AP2B1: variants seen among roughly 807,000 people sequenced by gnomAD.
The protein encoded by AP2B1 is adaptor related protein complex 2 subunit beta 1.
AP2B1 carries 23 observed loss-of-function variants against 102.0 expected under a neutral mutation model. The observed-to-expected ratio is 0.23, with a 90% CI of 0.16 to 0.32. The LOEUF is 0.32. Ranked by LOEUF, AP2B1 falls within the 10% of genes least tolerant of loss-of-function variation. AP2B1 has a pLI of 1.00. For synonymous variants in AP2B1, 381 were observed against 421.2 expected (o/e 0.90, Z 1.17); for missense variants, 541 against 1,157.4 (o/e 0.47, Z 7.73).
chr17:35,687,451 G>T (rs1020043790), intron 18 of AP2B1, among the ~76,000 whole-genome samples: 1 of 151,884 alleles, frequency 6.6e-6, no homozygotes, highest in African/African-American at 2.4e-5. Context: ...TCCTGTACAT[G>T]TCCCCACTCA....
chr17:35,698,646 G>C (rs1386261477), intron 18 of AP2B1, among the ~76,000 whole-genome samples: 1 of 152,136 alleles, frequency 6.6e-6, no homozygotes, highest in Non-Finnish European at 1.5e-5. Flanking sequence ...TGATGGCTAT[G>C]GGTGGGCTAC....
At chr17:35,600,021 T>C (rs2073424537) in intron 3 of AP2B1, among the ~76,000 whole-genome samples, 1 of 152,230 alleles carries the variant, frequency 6.6e-6, no homozygotes, top group Non-Finnish European at 1.5e-5. Flanking sequence ...AACTAACTTT[T>C]AAGAAACTAC....
At chr17:35,708,247 C>T (rs372625978) in intron 18 of AP2B1, among the ~76,000 whole-genome samples, 103 of 152,284 alleles carry the variant, frequency 6.8e-4, no homozygotes, top group Non-Finnish European at 1.3e-3. Flanking sequence ...TGTTTTCCTA[C>T]AGCGCTAAGA....
rs753433510 is a variant in AP2B1 at position 35,637,925 on chromosome 17, T to TC, written c.1271+1476dup. On this transcript the variant is annotated intron_variant, in intron 10 of 21. Coordinates refer to ENST00000610402, the MANE Select transcript of AP2B1 (RefSeq NM_001030006.2). Reference sequence around the variant, plus strand: ...GTCTCGAACTTCTGACCTCAAGTGATCCCCCCCACCTCGCCCTCCCAAAGT... The same window carrying TC: ...GTCTCGAACTTCTGACCTCAAGTGATCCCCCCCCACCTCGCCCTCCCAAAGT... Among the ~76,000 whole-genome samples the TC allele has an allele frequency of 1.8e-3, 272 of 151,572 alleles. 2 individuals carry two copies. Among genetic ancestry groups the TC allele is most frequent in the Non-Finnish European group, 2.9e-3 (197 of 67,822 alleles).
Position 35,649,455 on chromosome 17 carries a change from A to G in AP2B1, c.1537-1075A>G, listed in dbSNP as rs192361835. ...GGCTAATTTTTTGTATTTGTAGTAG[A>G]TACGGGGTTTCACTGTGTTAGCCAG... On this transcript the variant is annotated intron_variant, in intron 12 of 21. Coordinates refer to ENST00000610402, the MANE Select transcript of AP2B1 (RefSeq NM_001030006.2). Among the ~76,000 whole-genome samples, 8 of 152,182 alleles carry G rather than the reference A, an allele frequency of 5.3e-5. No individual in the cohort carries two copies. The East Asian group carries it at 1.5e-3, about 29-fold the overall frequency.
Position 35,589,502 on chromosome 17 carries a change from T to C in AP2B1, c.-24+2074T>C, listed in dbSNP as rs139945833. On this transcript the variant is annotated intron_variant, in intron 1 of 21. Coordinates refer to ENST00000610402, the MANE Select transcript of AP2B1 (RefSeq NM_001030006.2). ...CTTATTTTGCTGCTCAGTTTCTCTT[T>C]TGGGGAACTGGAGGGAGATATAGGA... Among the ~76,000 whole-genome samples, 823 of 152,348 alleles carry C rather than the reference T, an allele frequency of 5.4e-3. 2 individuals are homozygous for C. The highest frequency in any genetic ancestry group is 8.9e-3 in the Non-Finnish European group (604 of 68,016).
intron 17 of AP2B1, among the ~76,000 whole-genome samples, chr17:35,682,418 C>T (rs2075843641): frequency 1.4e-5 from 2 of 139,794 alleles, no homozygotes; most frequent in South Asian, 4.8e-4. Flanking sequence ...TCTCGGCTCA[C>T]TACAACCTCC....
At chr17:35,594,198 ACTT>A in intron 2 of AP2B1, 131 bp downstream of exon 2, 1 of 569,488 alleles carries the variant, frequency 1.8e-6, no homozygotes, top group Admixed American at 3.6e-5. Flanking sequence ...GACATCTACT[ACTT>A]CTATAGATGA....
chr17:35,713,519 A>AT (rs1229159832), intron 20 of AP2B1, among the ~76,000 whole-genome samples: 5 of 152,104 alleles, frequency 3.3e-5, no homozygotes, highest in Admixed American at 2.0e-4. Context: ...GTGCCTTCTG[A>AT]TTCAACACCC....
rs141438974 is a variant in AP2B1, at chr17:35,604,175, G to A, written c.144-1530G>A. On this transcript the variant is annotated intron_variant, in intron 3 of 21. Coordinates refer to ENST00000610402, the MANE Select transcript of AP2B1 (RefSeq NM_001030006.2). The stretch of plus-strand genomic sequence containing the variant: ...CAGGCTGGTGTGCAGTGGCATGTTC[G>A]TGGCTCACTGCAGCCTCCGCATCCC... Among the ~76,000 whole-genome samples the A allele has an allele frequency of 2.3e-3, 343 of 151,930 alleles. 1 individual carries two copies. Among genetic ancestry groups the A allele is most frequent in the African/African-American group, 8.0e-3 (331 of 41,420 alleles).
chr17:35,613,008 A>G (rs1239191095), intron 5 of AP2B1, among the ~76,000 whole-genome samples: 2 of 151,510 alleles, frequency 1.3e-5, no homozygotes, highest in South Asian at 2.1e-4. Flanking sequence ...GAAAAAAAAA[A>G]TGAAAGATAC....
intron 3 of AP2B1, 121 bp from the exon 4 acceptor site, chr17:35,605,584 C>T: frequency 1.4e-6 from 1 of 740,708 alleles, no homozygotes; most frequent in Non-Finnish European, 2.3e-6. Context: ...TGACAGTTAC[C>T]ACTGTGGGGA....
chr17:35,655,739 A>G (rs116454725), intron 13 of AP2B1, among the ~76,000 whole-genome samples: 2,006 of 152,334 alleles, frequency 0.013, 41 homozygotes, highest in African/African-American at 0.045. Flanking sequence ...CAGTTGTACC[A>G]GTGTATACTC....
intron 5 of AP2B1, among the ~76,000 whole-genome samples, chr17:35,618,549 G>A (rs1452428494): frequency 2.6e-5 from 4 of 152,150 alleles, no homozygotes; most frequent in Non-Finnish European, 5.9e-5. Flanking sequence ...CACTGAACTG[G>A]AAAGTGGTAA....
rs533695349 is a variant in AP2B1 at position 35,597,995 on chromosome 17, C to G, written c.38-235C>G. On this transcript the variant is annotated intron_variant, in intron 2 of 21. Coordinates refer to ENST00000610402, the MANE Select transcript of AP2B1 (RefSeq NM_001030006.2). ...TCCCACTCTTGTGGTTCTTGAAGAT[C>G]TGGATTGCACCTTCCTCTCTGGCCA... 3.3e-5 allele frequency among the ~76,000 whole-genome samples: 5 copies of G among 152,282 alleles called. No individual in the cohort carries two copies. The East Asian group carries it at 9.6e-4, about 29-fold the overall frequency.
intron 13 of AP2B1, chr17:35,651,026 C>T (rs779651373): frequency 7.6e-5 from 36 of 476,764 alleles, no homozygotes; most frequent in Non-Finnish European, 1.2e-4. Context: ...CCTCTGTGTT[C>T]CAATCTAGGA....
At chr17:35,722,992 G>T (rs2143015865) in intron 21 of AP2B1, among the ~76,000 whole-genome samples, 1 of 152,310 alleles carries the variant, frequency 6.6e-6, no homozygotes, top group African/African-American at 2.4e-5. Flanking sequence ...AGAGGTATCT[G>T]ATTTGCCTGT....
chr17:35,612,083 T>C (rs918193554), intron 5 of AP2B1, among the ~76,000 whole-genome samples: 4 of 152,240 alleles, frequency 2.6e-5, no homozygotes, highest in African/African-American at 7.2e-5. Flanking sequence ...TAGATTTTCC[T>C]AGAGCAGGGT....
At chr17:35,590,082 G>A (rs759144618) in intron 1 of AP2B1, among the ~76,000 whole-genome samples, 1 of 151,806 alleles carries the variant, frequency 6.6e-6, no homozygotes, top group Non-Finnish European at 1.5e-5. Context: ...CCCGCCACAC[G>A]CCTGGCTAAT....
Sources: gnomAD v4.1 joint callset for allele counts (sites outside exome capture counted in the v4.1 genomes callset) on GRCh38, gnomAD v4.1.1 for gene constraint, MANE v1.5 for transcripts, NCBI Gene and HGNC (gene_info 2026-07-23, HGNC 2026-07-21) for gene names.